The following EPM2A variants were observed in gnomAD, a reference collection of about 807,000 sequenced individuals.
The protein encoded by EPM2A is laforin.
EPM2A carries 21 observed loss-of-function variants against 26.5 expected under a neutral mutation model. The observed-to-expected ratio is 0.79, with a 90% CI of 0.56 to 1.14. The LOEUF is 1.14. Ranked by LOEUF, EPM2A falls within the 50% of genes most tolerant of loss-of-function variation. The pLI is 0.00. For missense variants in EPM2A, 458 were observed against 440.8 expected (o/e 1.04, Z -0.35); for synonymous variants, 217 against 177.6 (o/e 1.22, Z -1.76).
At chr6:145,429,615 C>T (rs1256467238) in intron 4 of EPM2A, among the ~76,000 whole-genome samples, 1 of 152,092 alleles carries the variant, frequency 6.6e-6, no homozygotes, top group Non-Finnish European at 1.5e-5. Context: ...TCTTTGTAAT[C>T]ATCTTTAGGA....
intron 4 of EPM2A, among the ~76,000 whole-genome samples, chr6:145,384,928 A>C (rs1778238748): frequency 6.8e-6 from 1 of 147,854 alleles, no homozygotes; most frequent in Admixed American, 6.9e-5. Flanking sequence ...GGCATCTATG[A>C]GGTCTCCATA....
intron 4 of EPM2A, among the ~76,000 whole-genome samples, chr6:145,465,653 G>C (rs1403364009): frequency 3.3e-5 from 5 of 151,498 alleles, no homozygotes; most frequent in Non-Finnish European, 4.4e-5. Flanking sequence ...TTTTGGTGTG[G>C]ATGTCCTTTC....
chr6:145,595,375 T>C (rs1278687275), intron 2 of EPM2A, among the ~76,000 whole-genome samples: 1 of 151,684 alleles, frequency 6.6e-6, no homozygotes, highest in Non-Finnish European at 1.5e-5. Flanking sequence ...AGACATACTA[T>C]AGGAATAGAT....
At chr6:145,546,300 G>A (rs1780582317) in intron 2 of EPM2A, among the ~76,000 whole-genome samples, 1 of 152,162 alleles carries the variant, frequency 6.6e-6, no homozygotes. Flanking sequence ...GAAGGTGGAA[G>A]AAGATAGGTA....
At chr6:145,633,028 C>A (rs1336907527) in intron 3 of EPM2A, among the ~76,000 whole-genome samples, 1 of 152,170 alleles carries the variant, frequency 6.6e-6, no homozygotes, top group African/African-American at 2.4e-5. Context: ...AACCCACTGA[C>A]CGCAAAAAAG....
intron 4 of EPM2A, chr6:145,489,699 C>A (rs945795669): frequency 1.4e-6 from 2 of 1,414,200 alleles, no homozygotes; most frequent in African/African-American, 1.4e-5. Flanking sequence ...CCACTGTTGG[C>A]TTGCTCTCTA....
At chr6:145,405,048 AT>A (rs1778548232) in intron 4 of EPM2A, among the ~76,000 whole-genome samples, 1 of 152,170 alleles carries the variant, frequency 6.6e-6, no homozygotes, top group South Asian at 2.1e-4. Context: ...TATGACATTA[AT>A]GGGCACCATT....
intron 2 of EPM2A, among the ~76,000 whole-genome samples, chr6:145,575,645 T>A (rs567197428): frequency 8.5e-5 from 13 of 152,206 alleles, no homozygotes; most frequent in Non-Finnish European, 1.5e-4. Flanking sequence ...AAAGGTATTA[T>A]GTATAGAGTC....
At chr6:145,654,233 C>A (rs147521178) in intron 2 of EPM2A, among the ~76,000 whole-genome samples, 84 of 151,832 alleles carry the variant, frequency 5.5e-4, no homozygotes, top group African/African-American at 1.8e-3. Flanking sequence ...TCTTGTTGCC[C>A]AGACTAGAGC....
chr6:145,429,641 A>C (rs866496956), intron 4 of EPM2A, among the ~76,000 whole-genome samples: 5 of 152,210 alleles, frequency 3.3e-5, no homozygotes, highest in Admixed American at 2.0e-4. Context: ...AAAATAATGC[A>C]AATTTAATTT....
intron 4 of EPM2A, among the ~76,000 whole-genome samples, chr6:145,460,988 C>T (rs1779323234): frequency 6.6e-6 from 1 of 152,030 alleles, no homozygotes; most frequent in African/African-American, 2.4e-5. Context: ...GTTTTTATTC[C>T]TCATTCAGTG....
chr6:145,458,298 A>T (rs1779286407), intron 4 of EPM2A, among the ~76,000 whole-genome samples: 6 of 152,066 alleles, frequency 3.9e-5, no homozygotes, highest in African/African-American at 1.4e-4. Context: ...CTCTGTGTTG[A>T]GCTCGGTTGG....
intron 2 of EPM2A, among the ~76,000 whole-genome samples, chr6:145,601,531 AT>A (rs1371992682): frequency 6.6e-6 from 1 of 152,204 alleles, no homozygotes; most frequent in African/African-American, 2.4e-5. Flanking sequence ...AAATAGGAAT[AT>A]TCATTCCTTT....
At chr6:145,527,838 T>C (rs1444751924) in intron 2 of EPM2A, among the ~76,000 whole-genome samples, 1 of 152,028 alleles carries the variant, frequency 6.6e-6, no homozygotes, top group Non-Finnish European at 1.5e-5. Context: ...TGTCATAAGC[T>C]GAGAAATGCT....
chr6:145,391,075 T>C (rs543385510), intron 4 of EPM2A, among the ~76,000 whole-genome samples: 1 of 152,150 alleles, frequency 6.6e-6, no homozygotes, highest in Non-Finnish European at 1.5e-5. Context: ...CCCAGTGGAC[T>C]GAACAGATCC....
At chr6:145,481,776 C>T (rs1423083015) in intron 4 of EPM2A, among the ~76,000 whole-genome samples, 10 of 152,122 alleles carry the variant, frequency 6.6e-5, no homozygotes, top group Non-Finnish European at 1.3e-4. Context: ...CTAATACATA[C>T]TGTCATTATT....
At chr6:145,715,765 T>C (rs1414241170) in intron 1 of EPM2A, among the ~76,000 whole-genome samples, 3 of 152,232 alleles carry the variant, frequency 2.0e-5, no homozygotes, top group Non-Finnish European at 2.9e-5. Flanking sequence ...GGGCTCCTTA[T>C]GAGAAGCTAA....
At chr6:145,678,504 A>G (rs1780240675) in intron 2 of EPM2A, among the ~76,000 whole-genome samples, 2 of 152,218 alleles carry the variant, frequency 1.3e-5, no homozygotes, top group Admixed American at 1.3e-4. Context: ...TACCCATGTG[A>G]CAAAGGTGTA....
At chr6:145,496,699 A>G, downstream of EPM2A, among the ~76,000 whole-genome samples, 1 of 144,266 alleles carries the variant, frequency 6.9e-6, no homozygotes, top group East Asian at 2.0e-4. Flanking sequence ...TCTTCACTAT[A>G]CTAGCTATTT....
Sources: allele counts gnomAD v4.1 joint callset (sites outside exome capture counted in the v4.1 genomes callset), GRCh38; gene constraint gnomAD v4.1.1; transcripts MANE v1.5; gene names NCBI Gene and HGNC (gene_info 2026-07-23, HGNC 2026-07-21).